ABAT: variants seen among roughly 807,000 people sequenced by gnomAD.
The protein encoded by ABAT is 4-aminobutyrate aminotransferase, mitochondrial.
Under a neutral mutation model 64.6 loss-of-function variants are expected in ABAT, and 45 were observed. That is an observed-to-expected ratio of 0.70 (90% CI 0.55 to 0.89). ABAT has a LOEUF of 0.89. Ranked by LOEUF, ABAT falls within the 40% of genes least tolerant of loss-of-function variation. The pLI, the probability that ABAT is intolerant of heterozygous loss-of-function variation, is 0.00. For missense variants in ABAT, 633 were observed against 658.4 expected (o/e 0.96, Z 0.42); for synonymous variants, 297 against 250.5 (o/e 1.19, Z -1.75).
At position 8,743,444 on chromosome 16, in the gene ABAT, T is replaced by TATATATATATATATATATATATATAC. The variant is rs368568293; in HGVS notation, c.71-2556_71-2555insTATATATATATATATATATATATACA. On this transcript the variant is annotated intron_variant, in intron 2 of 15. Transcript: ENST00000268251. ...ACAGTTATATATATATATATATATATACACACATTTTATAATATATTATAT... is the reference window on the plus strand; with the variant it reads ...ACAGTTATATATATATATATATATATATATATATATATATATATATATATACACACACATTTTATAATATATTATAT... Among the ~76,000 whole-genome samples, 1,155 of 117,416 alleles carry TATATATATATATATATATATATATAC rather than the reference T, an allele frequency of 9.8e-3. 34 individuals carry two copies. Among genetic ancestry groups the TATATATATATATATATATATATATAC allele is most frequent in the Middle Eastern group, 0.032 (7 of 218 alleles). The allele number at this position is 117,416 out of a possible 152,430, so 77.0% of individuals were successfully genotyped here.
rs1464464746 is a variant in ABAT, at chr16:8,776,738, ATTTATTT to A, written c.1269+259_1269+265del. Reference sequence around the variant, plus strand: ...GTTTTCTTTGTTGTTGTTTTTTTTAATTTATTTTTTATTTTTTTAATATTGAGACATG... The same window carrying A: ...GTTTTCTTTGTTGTTGTTTTTTTTAATTTATTTTTTTAATATTGAGACATG... On this transcript the variant is annotated intron_variant, in intron 14 of 15. Coordinates refer to ENST00000268251, the MANE Select transcript of ABAT (RefSeq NM_020686.6). The surrounding 1 kb of genome is among the most constrained non-coding windows in gnomAD (Gnocchi z 4.4). Among the ~76,000 whole-genome samples the A allele has an allele frequency of 1.1e-4, 17 of 151,460 alleles. No individual in the cohort carries two copies. Among genetic ancestry groups the A allele is most frequent in the Admixed American group, 1.1e-3 (16 of 15,214 alleles).
intron 1 of ABAT, among the ~76,000 whole-genome samples, chr16:8,700,809 T>A (rs932332384): frequency 2.6e-5 from 4 of 152,218 alleles, no homozygotes; most frequent in African/African-American, 9.6e-5. Flanking sequence ...TCTCACTATG[T>A]TGCTCAGGCT....
At chr16:8,737,239 G>A (rs2058970723) in intron 2 of ABAT, 1 of 152,160 alleles carries the variant, frequency 6.6e-6, no homozygotes, top group African/African-American at 2.4e-5. Context: ...AGCACTTTGG[G>A]AGGCGAGGTG....
intron 1 of ABAT, among the ~76,000 whole-genome samples, chr16:8,727,607 AT>A (rs1213680926): frequency 2.6e-5 from 4 of 152,132 alleles, no homozygotes; most frequent in Non-Finnish European, 5.9e-5. Flanking sequence ...GAACTGGAAA[AT>A]TTTTATGTAC....
chr16:8,710,565 C>T (rs74426452), intron 1 of ABAT, among the ~76,000 whole-genome samples: 7,490 of 151,940 alleles, frequency 0.049, 213 homozygotes, highest in South Asian at 0.1. Flanking sequence ...AGCAAGTCCC[C>T]GTCTCTACAA....
chr16:8,781,432 G>T lies in ABAT; in HGVS notation c.*2G>T. On this transcript the variant is annotated 3_prime_UTR_variant, in exon 16 of 16. Transcript: ENST00000268251. This position sits in a 1 kb window ranked among gnomAD's most constrained non-coding sequence, Gnocchi z 4.5. ...GACATCTTAGCAGACTTCAAGTAAAGAAGCCATTTCCACTACAGTGAGAAA... is the reference window on the plus strand; with the variant it reads ...GACATCTTAGCAGACTTCAAGTAAATAAGCCATTTCCACTACAGTGAGAAA... The T allele has an allele frequency of 6.2e-7, 1 of 1,614,194 alleles. No individual in the cohort carries two copies. Among genetic ancestry groups the T allele is most frequent in the Non-Finnish European group, 8.5e-7 (1 of 1,180,038 alleles).
chr16:8,733,334 C>A (rs1478686302), intron 1 of ABAT, among the ~76,000 whole-genome samples: 1 of 151,148 alleles, frequency 6.6e-6, no homozygotes, highest in East Asian at 1.9e-4. Context: ...CGGAGACGCT[C>A]CTCACTTTCC....
Position 8,709,847 on chromosome 16 carries a change from G to A in ABAT, c.-41-25852G>A, listed in dbSNP as rs141917908. ...TTAACTTTTTTTTTTTTTGAGACAG[G>A]CTCTCACTTTGTCACCCAGGCTGGA... is the stretch of plus-strand genomic sequence containing the variant. On this transcript the variant is annotated intron_variant, in intron 1 of 15. Transcript: ENST00000268251. Among the ~76,000 whole-genome samples the A allele has an allele frequency of 2.4e-4, 36 of 147,906 alleles. No individual in the cohort carries two copies. In the East Asian group the frequency reaches 7.3e-3, roughly 30 times the overall value.
At chr16:8,686,508 A>G (rs1014148964) in intron 1 of ABAT, among the ~76,000 whole-genome samples, 12 of 152,200 alleles carry the variant, frequency 7.9e-5, no homozygotes, top group Admixed American at 7.2e-4. Flanking sequence ...CATGAGTAGT[A>G]GCCACTCACA....
intron 2 of ABAT, among the ~76,000 whole-genome samples, chr16:8,743,551 A>T (rs2059237213): frequency 7.0e-6 from 1 of 143,396 alleles, no homozygotes; most frequent in Admixed American, 7.2e-5. Context: ...ATAATATATT[A>T]TGTAATATAT....
intron 9 of ABAT, among the ~76,000 whole-genome samples, chr16:8,767,434 G>T (rs538631420): frequency 6.6e-6 from 1 of 152,178 alleles, no homozygotes; most frequent in Non-Finnish European, 1.5e-5. Flanking sequence ...GCACCCATCA[G>T]CACCTGACCC....
chr16:8,729,268 C>T (rs997000985), intron 1 of ABAT, among the ~76,000 whole-genome samples: 20 of 151,526 alleles, frequency 1.3e-4, no homozygotes, highest in African/African-American at 4.9e-4. Flanking sequence ...TACACCACTG[C>T]TCTCCAGCCT....
At chr16:8,712,387 A>G (rs1386587737) in intron 1 of ABAT, among the ~76,000 whole-genome samples, 1 of 152,196 alleles carries the variant, frequency 6.6e-6, no homozygotes, top group Non-Finnish European at 1.5e-5. Flanking sequence ...ACATGTGGTA[A>G]TCATGTTAAT....
At chr16:8,680,562 A>G (rs763184251) in intron 1 of ABAT, among the ~76,000 whole-genome samples, 11 of 152,120 alleles carry the variant, frequency 7.2e-5, no homozygotes, top group Admixed American at 1.3e-4. Flanking sequence ...AGCTGGGATT[A>G]CATGTGTGGG....
At position 8,746,071 on chromosome 16, in the gene ABAT, G is replaced by T; in HGVS notation, c.141G>T (p.Lys47Asn). Reference protein sequence around the residue: ...VEFDYDGPLMKTEVPGPRSQE... With the variant: ...VEFDYDGPLMNTEVPGPRSQE... ...TTGATTATGATGGGCCTCTGATGAA[G>T]ACGGAAGTCCCAGGGCCTAGATCTC... Residue 47 changes from lysine (K) to asparagine (N), a missense_variant, in exon 3 of 16, where the codon AAG (lysine) becomes AAT (asparagine). By Grantham distance (94) the Lys-to-Asn change is moderately conservative. Transcript: ENST00000268251. 1 of 1,613,796 alleles carries T rather than the reference G, an allele frequency of 6.2e-7. No individual in the cohort carries two copies. Among genetic ancestry groups the T allele is most frequent in the Non-Finnish European group, 8.5e-7 (1 of 1,179,968 alleles).
At chr16:8,712,186 G>C (rs1054549224) in intron 1 of ABAT, among the ~76,000 whole-genome samples, 5 of 151,986 alleles carry the variant, frequency 3.3e-5, no homozygotes, top group Non-Finnish European at 5.9e-5. Context: ...AGCCACGATG[G>C]TACCACTGCA....
chr16:8,679,063 G>T (rs987101147), intron 1 of ABAT, among the ~76,000 whole-genome samples: 2 of 152,082 alleles, frequency 1.3e-5, no homozygotes, highest in African/African-American at 4.8e-5. Context: ...TCACGTCTGC[G>T]ATCCCAGCAC....
intron 1 of ABAT, among the ~76,000 whole-genome samples, chr16:8,733,989 A>G (rs1046491220): frequency 6.6e-6 from 1 of 152,106 alleles, no homozygotes; most frequent in Non-Finnish European, 1.5e-5. Context: ...TTAAGGCTGC[A>G]TAATATTCCA....
At chr16:8,708,540 A>G (rs1289525133) in intron 1 of ABAT, among the ~76,000 whole-genome samples, 10 of 152,188 alleles carry the variant, frequency 6.6e-5, no homozygotes. Flanking sequence ...AGCTCAAGCA[A>G]TCTCCCTGCC....
Sources: allele counts gnomAD v4.1 joint callset (sites outside exome capture counted in the v4.1 genomes callset), GRCh38; gene constraint gnomAD v4.1.1; non-coding constraint Gnocchi (gnomAD v3.1); transcripts MANE v1.5; gene names NCBI Gene and HGNC (gene_info 2026-07-23, HGNC 2026-07-21).